The following ZCWPW2 variants were observed in gnomAD, a reference collection of about 807,000 sequenced individuals.
ZCWPW2 encodes the protein zinc finger CW-type PWWP domain protein 2.
Under a neutral mutation model 46.6 loss-of-function variants are expected in ZCWPW2, and 45 were observed. The observed-to-expected ratio is 0.96, with a 90% CI of 0.76 to 1.24. The LOEUF is 1.24. Among genes scored for constraint, ZCWPW2 ranks in the 50% most tolerant of loss-of-function variants. The pLI, the probability that ZCWPW2 is intolerant of heterozygous loss-of-function variation, is 0.00. For missense variants in ZCWPW2, 429 were observed against 403.9 expected (o/e 1.06, Z -0.53); for synonymous variants, 152 against 137.1 (o/e 1.11, Z -0.76).
At chr3:28,410,836 G>C (rs1696371520) in intron 2 of ZCWPW2, among the ~76,000 whole-genome samples, 1 of 151,690 alleles carries the variant, frequency 6.6e-6, no homozygotes, top group African/African-American at 2.4e-5. Flanking sequence ...AAACTGAAGG[G>C]ACTCAAATTC....
At chr3:28,403,685 A>T (rs1217424693) in intron 2 of ZCWPW2, among the ~76,000 whole-genome samples, 3 of 152,226 alleles carry the variant, frequency 2.0e-5, no homozygotes. Context: ...TGGTACTGGT[A>T]TAAAAATAGC....
In ZCWPW2 at chr3:28,377,938, C is replaced by T. The variant is rs376732651; in HGVS notation, c.-133-12560C>T. Among the ~76,000 whole-genome samples, 7 of 151,918 alleles carry T rather than the reference C, an allele frequency of 4.6e-5. No homozygotes were observed. The East Asian group carries it at 5.8e-4, about 13-fold the overall frequency. On this transcript the variant is annotated intron_variant, in intron 1 of 9. Transcript: ENST00000383768. ...ATTTAGCACAGCAGAATATAGTTGC[C>T]GCAAAAGACACCAGCCATTAAATAT...
intron 1 of ZCWPW2, among the ~76,000 whole-genome samples, chr3:28,354,261 T>G (rs149682887): frequency 6.6e-6 from 1 of 151,272 alleles, no homozygotes; most frequent in South Asian, 2.1e-4. Context: ...CTAGAAGAAA[T>G]GGATAAATTC....
chr3:28,388,076 AGGTAATCAGTCTAAT>A (rs1695342185), intron 1 of ZCWPW2, among the ~76,000 whole-genome samples: 1 of 152,126 alleles, frequency 6.6e-6, no homozygotes, highest in South Asian at 2.1e-4. Flanking sequence ...TTGAGCCGAA[AGGTAATCAGTCTAAT>A]GGTATAATTC....
chr3:28,482,894 G>T (rs1328641171), intron 5 of ZCWPW2, among the ~76,000 whole-genome samples: 10 of 152,040 alleles, frequency 6.6e-5, no homozygotes, highest in African/African-American at 2.4e-4. Context: ...GTATATTTTA[G>T]ATGTCGCTCT....
At chr3:28,519,775 A>ATCTGCC (rs1005914988) in intron 8 of ZCWPW2, among the ~76,000 whole-genome samples, 7 of 152,306 alleles carry the variant, frequency 4.6e-5, no homozygotes, top group African/African-American at 1.7e-4. Flanking sequence ...TAGATGCTCC[A>ATCTGCC]TCTGCCTCTG....
chr3:28,413,149 C>T lies in ZCWPW2; in HGVS notation c.81C>T (p.Asn27=), dbSNP rs549070998. The T allele has an allele frequency of 9.3e-6, 15 of 1,613,060 alleles. No individual in the cohort carries two copies. Among genetic ancestry groups the T allele is most frequent in the South Asian group, 6.6e-5 (6 of 91,054 alleles). ...MDSSVENMYV[N]KVWVQCENEN... is the part of the protein sequence containing the mutation. ...CCTCAGTGGAAAACATGTATGTAAA[C>T]AAAGTGTGGGTTCAATGTGAGAATG... The change falls in exon 3 of 10, where the codon AAC becomes AAT. Residue 27 remains asparagine, a synonymous_variant. Transcript: ENST00000383768.
Position 28,441,952 on chromosome 3 carries a change from A to T in ZCWPW2, c.492+6683A>T, listed in dbSNP as rs188560781. Among the ~76,000 whole-genome samples, 101 of 152,234 alleles carry T rather than the reference A, an allele frequency of 6.6e-4. 2 individuals are homozygous for T. In the East Asian group the frequency reaches 0.014, roughly 21 times the overall value. On this transcript the variant is annotated intron_variant, in intron 4 of 9. Coordinates refer to ENST00000383768, the MANE Select transcript of ZCWPW2 (RefSeq NM_001040432.4). ...CAAAATCCTGGAGGCCTCCACTGTG[A>T]TTTACCTATTTGGGCCTGCCAAAGG...
At chr3:28,432,488 T>C (rs1245804460) in intron 3 of ZCWPW2, among the ~76,000 whole-genome samples, 1 of 152,208 alleles carries the variant, frequency 6.6e-6, no homozygotes, top group African/African-American at 2.4e-5. Flanking sequence ...CGATCATATT[T>C]CTACTGTACA....
rs561707876 is a variant in ZCWPW2, at chr3:28,425,762, A to G, written c.333-9348A>G. On this transcript the variant is annotated intron_variant, in intron 3 of 9. Coordinates refer to ENST00000383768, the MANE Select transcript of ZCWPW2 (RefSeq NM_001040432.4). ...AGACTCCAGGAATAATCAAATTATA[A>G]CAGTTATATCTACTTCTACATTCTG... Among the ~76,000 whole-genome samples, 52 of 152,352 alleles carry G rather than the reference A, an allele frequency of 3.4e-4. 1 individual carries two copies. Among genetic ancestry groups the G allele is most frequent in the Admixed American group, 1.4e-3 (21 of 15,306 alleles).
At chr3:28,407,330 A>G (rs1385326771) in intron 2 of ZCWPW2, among the ~76,000 whole-genome samples, 2 of 152,122 alleles carry the variant, frequency 1.3e-5, no homozygotes, top group African/African-American at 4.8e-5. Context: ...ATTTTATGGA[A>G]CTTGGTATCT....
At position 28,509,057 on chromosome 3, in the gene ZCWPW2, C is replaced by T. The variant is rs183722708; in HGVS notation, c.658-5007C>T. On this transcript the variant is annotated intron_variant, in intron 6 of 9. Coordinates refer to ENST00000383768, the MANE Select transcript of ZCWPW2 (RefSeq NM_001040432.4). ...ACCTTGCCCTTTTCCGTGGTAACCA[C>T]GGAATCTATTTTCTGCTTCTATAGA... Among the ~76,000 whole-genome samples, 803 of 152,272 alleles carry T rather than the reference C, an allele frequency of 5.3e-3. 9 individuals are homozygous for T. Among genetic ancestry groups the T allele is most frequent in the African/African-American group, 0.018 (767 of 41,558 alleles).
rs551814846 is a variant in ZCWPW2, at chr3:28,430,168, C to G, written c.333-4942C>G. ...GACACTCAATGCCAGCCTGTTAAAGCAACTGGGAGTGGGACTGTACCTTGC... is the reference window on the plus strand; with the variant it reads ...GACACTCAATGCCAGCCTGTTAAAGGAACTGGGAGTGGGACTGTACCTTGC... On this transcript the variant is annotated intron_variant, in intron 3 of 9. Coordinates refer to ENST00000383768, the MANE Select transcript of ZCWPW2 (RefSeq NM_001040432.4). Among the ~76,000 whole-genome samples the G allele has an allele frequency of 4.6e-5, 7 of 152,340 alleles. No individual in the cohort carries two copies. In the South Asian group the frequency reaches 1.4e-3, roughly 32 times the overall value.
At chr3:28,486,834 C>T (rs1455120397) in intron 5 of ZCWPW2, among the ~76,000 whole-genome samples, 2 of 151,056 alleles carry the variant, frequency 1.3e-5, no homozygotes, top group African/African-American at 4.9e-5. Context: ...CTACTGCACT[C>T]TGACCTGAGT....
At chr3:28,486,547 C>A (rs953337974) in intron 5 of ZCWPW2, among the ~76,000 whole-genome samples, 6 of 151,656 alleles carry the variant, frequency 4.0e-5, no homozygotes, top group Non-Finnish European at 7.4e-5. Flanking sequence ...TTTTCTTTGC[C>A]TGGGAAAGTC....
intron 4 of ZCWPW2, among the ~76,000 whole-genome samples, chr3:28,474,952 C>T (rs1699185076): frequency 6.6e-6 from 1 of 152,012 alleles, no homozygotes; most frequent in Non-Finnish European, 1.5e-5. Context: ...CCTCAGCTTC[C>T]CGAGTAGCTG....
intron 1 of ZCWPW2, among the ~76,000 whole-genome samples, chr3:28,349,684 C>G (rs1704460416): frequency 6.6e-6 from 1 of 152,150 alleles, no homozygotes; most frequent in Non-Finnish European, 1.5e-5. Context: ...AGGTCGCAGC[C>G]AGGTGGAACC....
chr3:28,502,577 AT>A (rs1700172541), intron 6 of ZCWPW2, among the ~76,000 whole-genome samples: 2 of 152,108 alleles, frequency 1.3e-5, no homozygotes, highest in Non-Finnish European at 2.9e-5. Flanking sequence ...TTGAAAACTC[AT>A]TTGTTTTTCT....
At chr3:28,382,247 T>C (rs1344360827) in intron 1 of ZCWPW2, among the ~76,000 whole-genome samples, 3 of 152,116 alleles carry the variant, frequency 2.0e-5, no homozygotes, top group Non-Finnish European at 2.9e-5. Context: ...ATCAACCCTG[T>C]TGACAGGATG....
Sources: allele counts gnomAD v4.1 joint callset (sites outside exome capture counted in the v4.1 genomes callset), GRCh38; gene constraint gnomAD v4.1.1; transcripts MANE v1.5; gene names NCBI Gene and HGNC (gene_info 2026-07-23, HGNC 2026-07-21).